Variants in SMPD3 observed in about 807,000 individuals in gnomAD.
SMPD3 encodes the protein nSMase-2.
SMPD3 carries 21 observed loss-of-function variants against 55.7 expected under a neutral mutation model. The ratio of observed to expected loss-of-function variants is 0.38; its 90% CI spans 0.27 to 0.54. The LOEUF (loss-of-function observed/expected upper bound fraction) is 0.54, where lower values mean the gene tolerates loss of function less well. Among genes scored for constraint, SMPD3 ranks in the 20% least tolerant of loss-of-function variants. The pLI is 0.80. For missense variants in SMPD3, 842 were observed against 899.6 expected, an observed-to-expected ratio of 0.94 and a Z score of 0.82; for synonymous variants, 457 against 404.3, an observed-to-expected ratio of 1.13 and a Z score of -1.56.
intron 1 of SMPD3, among the ~76,000 whole-genome samples, chr16:68,434,201 C>T (rs1425295166): frequency 2.0e-5 from 3 of 152,136 alleles, no homozygotes; most frequent in Non-Finnish European, 4.4e-5. Context: ...TTACTCCTTT[C>T]CGTTGTTATA....
At chr16:68,429,653 A>T (rs780083001) in intron 1 of SMPD3, among the ~76,000 whole-genome samples, 3 of 152,214 alleles carry the variant, frequency 2.0e-5, no homozygotes, top group Non-Finnish European at 4.4e-5. Flanking sequence ...CCCAGGGCAG[A>T]CACTGGCCTG....
intron 1 of SMPD3, among the ~76,000 whole-genome samples, chr16:68,426,512 A>C (rs1963362): frequency 0.77 from 116,713 of 152,048 alleles, 45,060 homozygotes; most frequent in East Asian, 0.88. Context: ...GGCCTCCATA[A>C]AAGTGACTCA....
chr16:68,420,714 C>T (rs1294103185), intron 1 of SMPD3, among the ~76,000 whole-genome samples: 2 of 152,174 alleles, frequency 1.3e-5, no homozygotes, highest in Non-Finnish European at 1.5e-5. Context: ...GAGGCAGCTG[C>T]CCCATAGGCC....
rs185491613 is a variant in SMPD3, at chr16:68,363,136, C to T, written c.1709+360G>A. The stretch of plus-strand genomic sequence containing the variant: ...CTGCCAGGCTGCCTTCAGCAGGCGC[C>T]GTACCCAGCAGCTCTTTCATGGGGG... On this transcript the variant is annotated intron_variant, in intron 7 of 8. Transcript: ENST00000219334. Among the ~76,000 whole-genome samples, 17 of 152,062 alleles carry T rather than the reference C, an allele frequency of 1.1e-4. No individual in the cohort carries two copies. In the East Asian group the frequency reaches 1.6e-3, roughly 14 times the overall value.
At chr16:68,419,116 T>C (rs945066491) in intron 1 of SMPD3, among the ~76,000 whole-genome samples, 1 of 152,122 alleles carries the variant, frequency 6.6e-6, no homozygotes, top group Non-Finnish European at 1.5e-5. Flanking sequence ...GGGCCACAGC[T>C]AGTATCTGGC....
At chr16:68,429,781 G>A (rs1048301966) in intron 1 of SMPD3, among the ~76,000 whole-genome samples, 1 of 152,188 alleles carries the variant, frequency 6.6e-6, no homozygotes, top group Non-Finnish European at 1.5e-5. Flanking sequence ...ACCAAGCAGT[G>A]TGTCCTTTCT....
intron 1 of SMPD3, among the ~76,000 whole-genome samples, chr16:68,397,403 C>G (rs1430294138): frequency 6.6e-6 from 1 of 152,136 alleles, no homozygotes; most frequent in East Asian, 1.9e-4. Flanking sequence ...AGGTATAAAC[C>G]CAGCAGGAAC....
chr16:68,371,592 G>A lies in SMPD3; in HGVS notation c.590C>T (p.Ala197Val). The change falls in exon 3 of 9, where the codon GCC becomes GTC. Residue 197 changes from alanine (A) to valine (V), a missense_variant. This residue lies in a region of SMPD3 where 649 missense variants were observed against 643.6 expected (regional missense o/e 1.01). Transcript: ENST00000219334. Reference sequence around the variant, plus strand: ...CTTAATGCTCCCGGGGACGGCCCGGGCCACCCCATCGCCGCCCTGTGGTGA... The same window carrying A: ...CTTAATGCTCCCGGGGACGGCCCGGACCACCCCATCGCCGCCCTGTGGTGA... Reference protein sequence around the residue: ...LVSPQGGDGVARAVPGSIKRT... With the variant: ...LVSPQGGDGVVRAVPGSIKRT... 1 of 1,575,542 alleles carries A rather than the reference G, an allele frequency of 6.3e-7. No individual in the cohort carries two copies.
chr16:68,384,845 TG>T (rs1489471592), intron 2 of SMPD3, among the ~76,000 whole-genome samples: 5 of 151,894 alleles, frequency 3.3e-5, no homozygotes, highest in Non-Finnish European at 4.4e-5. Flanking sequence ...TGAGAACAAG[TG>T]GCAGCCCTGC....
intron 1 of SMPD3, among the ~76,000 whole-genome samples, chr16:68,390,422 A>G (rs898543155): frequency 3.3e-5 from 5 of 152,124 alleles, no homozygotes; most frequent in African/African-American, 1.2e-4. Flanking sequence ...AGCACTTTGG[A>G]GGCTTAGGCA....
rs539593221 is a variant in SMPD3, at chr16:68,358,465, A to G, written c.*2741T>C. On this transcript the variant is annotated 3_prime_UTR_variant, in exon 9 of 9. Coordinates refer to ENST00000219334, the MANE Select transcript of SMPD3 (RefSeq NM_018667.4). Reference sequence around the variant, plus strand: ...TCTTCTAGGGAAGAACCGTCTGGATATATATTTGATAATGTTTTTACCAAA... The same window carrying G: ...TCTTCTAGGGAAGAACCGTCTGGATGTATATTTGATAATGTTTTTACCAAA... The G allele has an allele frequency of 6.5e-6, 1 of 152,694 alleles. No individual in the cohort carries two copies. Among genetic ancestry groups the G allele is most frequent in the African/African-American group, 2.4e-5 (1 of 41,472 alleles). The allele number at this position is 152,694 out of a possible 1,614,324, so 9.5% of individuals were successfully genotyped here.
intron 2 of SMPD3, among the ~76,000 whole-genome samples, chr16:68,380,675 C>G (rs952268208): frequency 6.6e-6 from 1 of 152,238 alleles, no homozygotes; most frequent in South Asian, 2.1e-4. Flanking sequence ...GTTGAGATTT[C>G]TGTCCCAGCC....
At chr16:68,396,867 G>A (rs968448303) in intron 1 of SMPD3, among the ~76,000 whole-genome samples, 1 of 152,242 alleles carries the variant, frequency 6.6e-6, no homozygotes, top group Non-Finnish European at 1.5e-5. Context: ...GTGAACTCAC[G>A]TGTGTGTTGT....
intron 1 of SMPD3, among the ~76,000 whole-genome samples, chr16:68,392,491 TGAG>T (rs951587388): frequency 6.6e-6 from 1 of 152,076 alleles, no homozygotes; most frequent in African/African-American, 2.4e-5. Context: ...CCTGATAAGT[TGAG>T]GAGCATTTGT....
At chr16:68,370,512 G>A (rs937976199) in intron 3 of SMPD3, among the ~76,000 whole-genome samples, 2 of 152,078 alleles carry the variant, frequency 1.3e-5, no homozygotes, top group South Asian at 2.1e-4. Flanking sequence ...CGCCACTCTT[G>A]CGCCAGCTCG....
At chr16:68,420,934 C>T (rs2090388727) in intron 1 of SMPD3, among the ~76,000 whole-genome samples, 1 of 152,212 alleles carries the variant, frequency 6.6e-6, no homozygotes, top group African/African-American at 2.4e-5. Flanking sequence ...GCCTTCAGCT[C>T]ATCCAGGTCC....
chr16:68,412,828 G>A (rs2090312338), intron 1 of SMPD3, among the ~76,000 whole-genome samples: 2 of 152,208 alleles, frequency 1.3e-5, no homozygotes, highest in South Asian at 2.1e-4. Context: ...GGAAGGCAGG[G>A]TAGTGTATGG....
intron 1 of SMPD3, among the ~76,000 whole-genome samples, chr16:68,391,250 G>T (rs1006100341): frequency 2.0e-5 from 3 of 152,212 alleles, no homozygotes; most frequent in Non-Finnish European, 4.4e-5. Flanking sequence ...ATCTCTGTTA[G>T]TTGGACTCAG....
chr16:68,364,640 C>T (rs903096522), intron 5 of SMPD3, 111 bp downstream of exon 5: 11 of 1,256,466 alleles, frequency 8.8e-6, no homozygotes, highest in Admixed American at 2.2e-5. Context: ...CGCCCACATG[C>T]TCTCGAGGAG....
Sources: gnomAD v4.1 joint callset for allele counts (sites outside exome capture counted in the v4.1 genomes callset) on GRCh38, gnomAD v4.1.1 for gene constraint, gnomAD v4.1.1 regional missense constraint, MANE v1.5 for transcripts, NCBI Gene and HGNC (gene_info 2026-07-23, HGNC 2026-07-21) for gene names.